The following STAG1 variants were observed in gnomAD, a reference collection of about 807,000 sequenced individuals.
STAG1 encodes the protein cohesin subunit SA-1.
STAG1 carries 26 observed loss-of-function variants against 170.9 expected under a neutral mutation model. The ratio of observed to expected loss-of-function variants is 0.15; its 90% CI spans 0.11 to 0.21. STAG1 has a LOEUF of 0.21. Among genes scored for constraint, STAG1 ranks in the 10% least tolerant of loss-of-function variants. The pLI, the probability that STAG1 is intolerant of heterozygous loss-of-function variation, is 1.00. For synonymous variants in STAG1, 514 were observed against 497.7 expected (o/e 1.03, Z -0.44); for missense variants, 964 against 1,509.5 (o/e 0.64, Z 5.99).
intron 27 of STAG1, 39 bp from the exon 28 acceptor site, chr3:136,357,887 G>C (rs560968990): frequency 6.5e-7 from 1 of 1,540,610 alleles, no homozygotes; most frequent in African/African-American, 1.4e-5. Flanking sequence ...TTTCCAGATA[G>C]TGTAATTCTC....
rs148471638 is a variant in STAG1 at position 136,503,400 on chromosome 3, C to T, written c.677-621G>A. 2.6e-5 allele frequency among the ~76,000 whole-genome samples: 4 copies of T among 152,308 alleles called. No individual in the cohort carries two copies. In the East Asian group the frequency reaches 7.7e-4, roughly 29 times the overall value. On this transcript the variant is annotated intron_variant, in intron 7 of 33. Coordinates refer to ENST00000383202, the MANE Select transcript of STAG1 (RefSeq NM_005862.3). Reference sequence around the variant, plus strand: ...GCCACAGTGATAATGTACTTTTAAACGTTCACTTGTATTTGTAAATCTTAT... The same window carrying T: ...GCCACAGTGATAATGTACTTTTAAATGTTCACTTGTATTTGTAAATCTTAT...
chr3:136,338,576 A>G, intron 32 of STAG1, 126 bp from the exon 33 acceptor site: 5 of 675,266 alleles, frequency 7.4e-6, no homozygotes, highest in Non-Finnish European at 1.3e-5. Context: ...TTTTGAAAGG[A>G]AGAAGAGAAT....
intron 1 of STAG1, among the ~76,000 whole-genome samples, chr3:136,734,881 G>A (rs1934248640): frequency 1.3e-5 from 2 of 152,082 alleles, no homozygotes; most frequent in Admixed American, 6.6e-5. Context: ...GGAAAAACCT[G>A]GACATTATGT....
At chr3:136,448,143 C>A (rs1224935462) in intron 14 of STAG1, among the ~76,000 whole-genome samples, 1 of 152,184 alleles carries the variant, frequency 6.6e-6, no homozygotes, top group East Asian at 1.9e-4. Flanking sequence ...CTCTTAATCA[C>A]ATTTTACATG....
At chr3:136,551,891 G>A (rs1936422722) in intron 5 of STAG1, among the ~76,000 whole-genome samples, 2 of 152,020 alleles carry the variant, frequency 1.3e-5, no homozygotes, top group African/African-American at 2.4e-5. Flanking sequence ...CACTGTGCCT[G>A]GCCTACTTGA....
intron 1 of STAG1, among the ~76,000 whole-genome samples, chr3:136,731,687 A>T (rs1934051146): frequency 6.6e-6 from 1 of 152,214 alleles, no homozygotes; most frequent in East Asian, 1.9e-4. Flanking sequence ...TTATAACCAC[A>T]CTATATGGCT....
intron 16 of STAG1, among the ~76,000 whole-genome samples, chr3:136,430,523 A>T (rs1030608881): frequency 2.6e-5 from 4 of 152,028 alleles, no homozygotes; most frequent in African/African-American, 4.8e-5. Flanking sequence ...TATCTACTTA[A>T]ATCAGGGGTA....
At chr3:136,426,277 G>T (rs553835122) in intron 16 of STAG1, among the ~76,000 whole-genome samples, 1 of 152,226 alleles carries the variant, frequency 6.6e-6, no homozygotes, top group East Asian at 1.9e-4. Context: ...GCGTGAGGTG[G>T]CAGGTGCCTG....
intron 1 of STAG1, among the ~76,000 whole-genome samples, chr3:136,651,983 T>C (rs751148402): frequency 6.6e-6 from 1 of 152,146 alleles, no homozygotes; most frequent in Non-Finnish European, 1.5e-5. Context: ...AAAGGATAAG[T>C]GTGCCCTTGG....
At chr3:136,502,329 G>T (rs1053905801) in intron 8 of STAG1, among the ~76,000 whole-genome samples, 1 of 151,946 alleles carries the variant, frequency 6.6e-6, no homozygotes, top group South Asian at 2.1e-4. Flanking sequence ...GCTGGCTCAC[G>T]GTTCTGACTT....
chr3:136,662,329 T>C (rs1435612698), intron 1 of STAG1, among the ~76,000 whole-genome samples: 1 of 151,978 alleles, frequency 6.6e-6, no homozygotes, highest in East Asian at 1.9e-4. Flanking sequence ...TTTTTGTATT[T>C]TTAGTAGAGA....
At chr3:136,699,227 G>A (rs1033576459) in intron 1 of STAG1, among the ~76,000 whole-genome samples, 1 of 152,076 alleles carries the variant, frequency 6.6e-6, no homozygotes, top group African/African-American at 2.4e-5. Context: ...AAATAAAAAA[G>A]AAAGAATGAC....
At chr3:136,422,091 G>A (rs2087974888) in intron 19 of STAG1, among the ~76,000 whole-genome samples, 2 of 148,706 alleles carry the variant, frequency 1.3e-5, no homozygotes, top group African/African-American at 5.0e-5. Flanking sequence ...AGGTTGCGGT[G>A]AGCAACGAAC....
intron 1 of STAG1, among the ~76,000 whole-genome samples, chr3:136,704,432 A>G (rs920820601): frequency 6.6e-6 from 1 of 152,168 alleles, no homozygotes; most frequent in Non-Finnish European, 1.5e-5. Context: ...TTAAAAGTAA[A>G]AGGATGGAAT....
chr3:136,519,719 A>G (rs1052336571), intron 7 of STAG1, among the ~76,000 whole-genome samples: 1 of 152,096 alleles, frequency 6.6e-6, no homozygotes, highest in Non-Finnish European at 1.5e-5. Flanking sequence ...CTAACATTAT[A>G]TAACTGTTTG....
intron 9 of STAG1, among the ~76,000 whole-genome samples, chr3:136,495,386 C>A (rs1250779152): frequency 6.6e-6 from 1 of 151,996 alleles, no homozygotes; most frequent in East Asian, 1.9e-4. Context: ...AGGGGTTAGG[C>A]AATGTTCACA....
chr3:136,680,508 T>C (rs1475407214), intron 1 of STAG1, among the ~76,000 whole-genome samples: 1 of 151,890 alleles, frequency 6.6e-6, no homozygotes, highest in African/African-American at 2.4e-5. Context: ...TTACAAGAAT[T>C]TTTGGGAGGC....
chr3:136,748,880 G>A (rs1017964010), intron 1 of STAG1, among the ~76,000 whole-genome samples: 2 of 152,076 alleles, frequency 1.3e-5, no homozygotes, highest in Non-Finnish European at 1.5e-5. Context: ...AGGAAGGCAT[G>A]TAAACTAAGG....
intron 1 of STAG1, among the ~76,000 whole-genome samples, chr3:136,650,817 T>G (rs549925536): frequency 6.2e-4 from 94 of 151,214 alleles, no homozygotes; most frequent in African/African-American, 2.2e-3. Context: ...CAAGAAAAAA[T>G]AAACTGGTAG....
Sources: gnomAD v4.1 joint callset for allele counts (sites outside exome capture counted in the v4.1 genomes callset) on GRCh38, gnomAD v4.1.1 for gene constraint, MANE v1.5 for transcripts, NCBI Gene and HGNC (gene_info 2026-07-23, HGNC 2026-07-21) for gene names.